Variants in HIVEP3 observed in about 807,000 individuals in gnomAD.
HIVEP3 encodes the protein transcription factor HIVEP3.
A neutral mutation model predicts 152.8 loss-of-function variants in HIVEP3; 49 were observed. The observed-to-expected ratio is 0.32, with a 90% CI of 0.26 to 0.41. HIVEP3 has a LOEUF of 0.41. Ranked by LOEUF, HIVEP3 falls within the 10% of genes least tolerant of loss-of-function variation. The probability of loss-of-function intolerance (pLI) is 1.00; values close to 1 mark genes in which losing one functional copy is unlikely to be tolerated. For missense variants in HIVEP3, 2,790 were observed against 3,103.3 expected, an observed-to-expected ratio of 0.90 and a Z score of 2.40; for synonymous variants, 1,269 against 1,289.0, an observed-to-expected ratio of 0.98 and a Z score of 0.33.
intron 2 of HIVEP3, among the ~76,000 whole-genome samples, chr1:41,694,304 T>G (rs1006826733): frequency 2.0e-5 from 3 of 152,154 alleles, no homozygotes; most frequent in African/African-American, 7.2e-5. Context: ...GCACTCGGCC[T>G]TTTGCATGCC....
At chr1:41,984,223 C>T (rs1033572443) in intron 1 of HIVEP3, among the ~76,000 whole-genome samples, 1 of 152,198 alleles carries the variant, frequency 6.6e-6, no homozygotes, top group Non-Finnish European at 1.5e-5. Flanking sequence ...TTCTCCCACT[C>T]AGTCTCCCAA....
rs1280679396 is a variant in HIVEP3 at position 41,918,041 on chromosome 1, G to A, written c.-801+372C>T. The stretch of plus-strand genomic sequence containing the variant: ...CTATGGAGCCGGCCGCCAGTGCGCG[G>A]GTGCAGAGCCCAGCAGAGCCTGCTG... On this transcript the variant is annotated intron_variant, in intron 1 of 8. Transcript: ENST00000372583. The surrounding 1 kb of genome is among the most constrained non-coding windows in gnomAD (Gnocchi z 4.3). 6.6e-6 allele frequency among the ~76,000 whole-genome samples: 1 copy of A among 152,194 alleles called. No individual in the cohort carries two copies. Among genetic ancestry groups the A allele is most frequent in the East Asian group, 1.9e-4 (1 of 5,180 alleles).
chr1:41,636,504 C>G (rs541108789), intron 2 of HIVEP3, among the ~76,000 whole-genome samples: 33 of 152,040 alleles, frequency 2.2e-4, no homozygotes, highest in Non-Finnish European at 4.6e-4. Context: ...ACAAAAAACC[C>G]CAGTTAATCA....
chr1:41,822,885 T>C (rs1351977606), intron 1 of HIVEP3, among the ~76,000 whole-genome samples: 1 of 152,236 alleles, frequency 6.6e-6, no homozygotes, highest in Non-Finnish European at 1.5e-5. Flanking sequence ...CTAGTCCTTG[T>C]TCTTTTTACT....
intron 1 of HIVEP3, among the ~76,000 whole-genome samples, chr1:41,992,269 T>C (rs1645366722): frequency 6.6e-6 from 1 of 152,000 alleles, no homozygotes; most frequent in Admixed American, 6.5e-5. Flanking sequence ...CAGCCCAAAA[T>C]CTCCTTAAGC....
chr1:41,993,387 A>ATG (rs1381600461), intron 1 of HIVEP3, among the ~76,000 whole-genome samples: 16 of 150,660 alleles, frequency 1.1e-4, no homozygotes, highest in Non-Finnish European at 4.5e-5. Flanking sequence ...CAGCCAAAAA[A>ATG]CACATGAAAA....
intron 1 of HIVEP3, among the ~76,000 whole-genome samples, chr1:41,869,389 A>C (rs755787161): frequency 6.6e-6 from 1 of 152,132 alleles, no homozygotes; most frequent in Admixed American, 6.5e-5. Context: ...CGGAAACCCC[A>C]CTCAGTGTGA....
chr1:41,714,384 G>A lies in HIVEP3; in HGVS notation c.-800-13389C>T, dbSNP rs144787844. On this transcript the variant is annotated intron_variant, in intron 1 of 8. Coordinates refer to ENST00000372583, the MANE Select transcript of HIVEP3 (RefSeq NM_024503.5). ...TTCCCATGGGTACCATGCCACCTTC[G>A]CCTCCTTTAGCTCATTTAAGACTCA... Among the ~76,000 whole-genome samples the A allele has an allele frequency of 9.3e-3, 1,423 of 152,242 alleles. 9 individuals carry two copies. Among genetic ancestry groups the A allele is most frequent in the Non-Finnish European group, 0.014 (973 of 68,024 alleles).
At chr1:41,948,185 T>G (rs1252182070) in intron 1 of HIVEP3, among the ~76,000 whole-genome samples, 1 of 152,260 alleles carries the variant, frequency 6.6e-6, no homozygotes, top group African/African-American at 2.4e-5. Flanking sequence ...AAGCAGGGTA[T>G]GCAGTGGTCA....
chr1:41,674,960 T>G (rs925447289), intron 2 of HIVEP3, among the ~76,000 whole-genome samples: 2 of 152,090 alleles, frequency 1.3e-5, no homozygotes, highest in African/African-American at 4.8e-5. Flanking sequence ...TGCACCCCAT[T>G]TTCACAGCCA....
At chr1:41,618,308 C>A (rs534077247) in intron 3 of HIVEP3, among the ~76,000 whole-genome samples, 2 of 152,368 alleles carry the variant, frequency 1.3e-5, no homozygotes, top group Admixed American at 1.3e-4. Context: ...GAGGTTAACT[C>A]TCCCCAGGCC....
chr1:42,027,169 T>C (rs1233358817), intron 1 of HIVEP3, among the ~76,000 whole-genome samples: 1 of 152,204 alleles, frequency 6.6e-6, no homozygotes, highest in Non-Finnish European at 1.5e-5. Flanking sequence ...AAGTTTCAAA[T>C]AATCTTGACT....
chr1:41,637,843 G>A (rs548386985), intron 2 of HIVEP3, among the ~76,000 whole-genome samples: 6 of 152,232 alleles, frequency 3.9e-5, no homozygotes, highest in East Asian at 1.9e-4. Context: ...GGGGTTGTCC[G>A]GAACTGGGGC....
chr1:41,717,963 G>C (rs1219055448), intron 1 of HIVEP3, among the ~76,000 whole-genome samples: 3 of 152,238 alleles, frequency 2.0e-5, no homozygotes, highest in Non-Finnish European at 2.9e-5. Context: ...TCCCCCTGGA[G>C]CCTGCATTCT....
At chr1:41,517,090 G>A (rs950653368) in intron 7 of HIVEP3, among the ~76,000 whole-genome samples, 1 of 152,196 alleles carries the variant, frequency 6.6e-6, no homozygotes, top group Admixed American at 6.5e-5. Flanking sequence ...CATGGATTTC[G>A]TCCTCCGAAA....
intron 1 of HIVEP3, among the ~76,000 whole-genome samples, chr1:41,776,685 C>T (rs1457904469): frequency 6.6e-6 from 1 of 152,246 alleles, no homozygotes; most frequent in East Asian, 1.9e-4. Context: ...TAGCTGTTGT[C>T]TGCTTTCAGC....
In HIVEP3 at chr1:41,894,782, A is replaced by G. The variant is rs1330770933; in HGVS notation, c.-801+23631T>C. Among the ~76,000 whole-genome samples, 3 of 152,212 alleles carry G rather than the reference A, an allele frequency of 2.0e-5. No individual in the cohort carries two copies. The East Asian group carries it at 5.8e-4, about 29-fold the overall frequency. On this transcript the variant is annotated intron_variant, in intron 1 of 8. Transcript: ENST00000372583. ...GCTCTCTGCTGTAACCCAGCACTGAAGGTGACTCTGGCCTTTGCATGCTGG... is the reference window on the plus strand; with the variant it reads ...GCTCTCTGCTGTAACCCAGCACTGAGGGTGACTCTGGCCTTTGCATGCTGG...
At chr1:41,817,309 T>C (rs1483184273) in intron 1 of HIVEP3, among the ~76,000 whole-genome samples, 29 of 152,104 alleles carry the variant, frequency 1.9e-4, no homozygotes, top group Non-Finnish European at 7.4e-5. Flanking sequence ...CAGACAATAA[T>C]TTGGGGTGGA....
At chr1:41,793,296 C>A (rs1257074032) in intron 1 of HIVEP3, among the ~76,000 whole-genome samples, 1 of 152,250 alleles carries the variant, frequency 6.6e-6, no homozygotes, top group Non-Finnish European at 1.5e-5. Flanking sequence ...TGCTCTCTAT[C>A]TGCAGAGCAC....
Sources: gnomAD v4.1 joint callset for allele counts (sites outside exome capture counted in the v4.1 genomes callset) on GRCh38, gnomAD v4.1.1 for gene constraint, Gnocchi (gnomAD v3.1) non-coding constraint, MANE v1.5 for transcripts, NCBI Gene and HGNC (gene_info 2026-07-23, HGNC 2026-07-21) for gene names.